The following CORO2B variants were observed in gnomAD, a reference collection of about 807,000 sequenced individuals.
The protein encoded by CORO2B is coronin-2B.
A neutral mutation model predicts 58.8 loss-of-function variants in CORO2B; 26 were observed. The ratio of observed to expected loss-of-function variants is 0.44; its 90% CI spans 0.32 to 0.61. CORO2B has a LOEUF of 0.61. Among genes scored for constraint, CORO2B ranks in the 20% least tolerant of loss-of-function variants. The pLI, the probability that CORO2B is intolerant of heterozygous loss-of-function variation, is 0.04. For synonymous variants in CORO2B, 242 were observed against 253.8 expected (o/e 0.95, Z 0.44); for missense variants, 460 against 645.1 (o/e 0.71, Z 3.11).
chr15:68,636,138 T>G (rs1005339946), intron 1 of CORO2B, among the ~76,000 whole-genome samples: 6 of 152,172 alleles, frequency 3.9e-5, no homozygotes, highest in African/African-American at 1.4e-4. Context: ...ATATAATGAA[T>G]GTAGAATGCT....
chr15:68,682,876 G>T (rs1902836228), intron 2 of CORO2B, among the ~76,000 whole-genome samples: 1 of 152,234 alleles, frequency 6.6e-6, no homozygotes, highest in Non-Finnish European at 1.5e-5. Context: ...AACTCAAAAT[G>T]AGTTTCCTTT....
intron 1 of CORO2B, among the ~76,000 whole-genome samples, chr15:68,638,319 T>C (rs1480220300): frequency 6.6e-6 from 1 of 152,112 alleles, no homozygotes; most frequent in Non-Finnish European, 1.5e-5. Context: ...AGGGTAGAGC[T>C]AGTGTTGAGC....
chr15:68,595,134 G>A (rs1282398307), intron 1 of CORO2B, among the ~76,000 whole-genome samples: 1 of 152,224 alleles, frequency 6.6e-6, no homozygotes, highest in African/African-American at 2.4e-5. Context: ...CAGCATTCGA[G>A]GCCAGAGAAC....
intron 2 of CORO2B, among the ~76,000 whole-genome samples, chr15:68,647,756 C>T (rs1327990158): frequency 2.6e-5 from 4 of 151,052 alleles, no homozygotes; most frequent in Non-Finnish European, 2.9e-5. Flanking sequence ...GCCTGTAATC[C>T]CAACACTTTG....
chr15:68,721,949 T>C (rs1893172020), intron 11 of CORO2B, among the ~76,000 whole-genome samples: 1 of 152,088 alleles, frequency 6.6e-6, no homozygotes, highest in Non-Finnish European at 1.5e-5. Context: ...GACAGGGTCT[T>C]ACTATATTGC....
chr15:68,536,303 G>A, the CORO2B span, among the ~76,000 whole-genome samples: 622 of 152,266 alleles, frequency 4.1e-3, 6 homozygotes, highest in African/African-American at 0.014. Flanking sequence ...TATATTTCTG[G>A]ATGCTTGATC....
chr15:68,606,240 A>T (rs1019872602), intron 1 of CORO2B, among the ~76,000 whole-genome samples: 1 of 152,158 alleles, frequency 6.6e-6, no homozygotes, highest in Non-Finnish European at 1.5e-5. Flanking sequence ...GCCTGTAGAT[A>T]GTGTTTAAAG....
rs1205947347 is a variant in CORO2B at position 68,715,310 on chromosome 15, A to G, written c.966A>G (p.Leu322=). 2.5e-6 allele frequency: 4 copies of G among 1,613,350 alleles called. No homozygotes were observed. Among genetic ancestry groups the G allele is most frequent in the Non-Finnish European group, 1.7e-6 (2 of 1,179,432 alleles). ...GCTCCCCAGCCCCGCAGAAAGGCCT[A>G]GGTAAGTGGCCCCGAGGCTGCCACA... ...EFRSPAPQKG[L]GVMPKHGLDV... The change falls in exon 8 of 12, where the codon CTA becomes CTG. Residue 322 remains leucine (L), a splice_region_variant and synonymous_variant. Transcript: ENST00000261861.
intron 1 of CORO2B, among the ~76,000 whole-genome samples, chr15:68,580,641 C>T (rs1595949554): frequency 6.6e-6 from 1 of 152,092 alleles, no homozygotes; most frequent in African/African-American, 2.4e-5. Context: ...GCTGTTGTGG[C>T]CCACCTGGGG....
chr15:68,722,579 C>T (rs997353048), intron 11 of CORO2B, among the ~76,000 whole-genome samples: 3 of 152,086 alleles, frequency 2.0e-5, no homozygotes, highest in Admixed American at 6.6e-5. Context: ...CTCACTAAAG[C>T]GGTTTTTTTG....
At chr15:68,646,164 C>G (rs1901422331) in intron 2 of CORO2B, among the ~76,000 whole-genome samples, 1 of 152,066 alleles carries the variant, frequency 6.6e-6, no homozygotes, top group Non-Finnish European at 1.5e-5. Flanking sequence ...AAGATTTTCC[C>G]CTTTCTGCAG....
At position 68,719,488 on chromosome 15, in the gene CORO2B, AGAAGAG is replaced by A. The variant is rs753576773; in HGVS notation, c.1248_1253del (p.Lys416_Ser418delinsAsn). On this transcript the variant is annotated inframe_deletion, in exon 11 of 12. Coordinates refer to ENST00000261861, the MANE Select transcript of CORO2B (RefSeq NM_006091.5). Reference sequence around the variant, plus strand: ...GTATTTAAGGCTCCCATCAAAGAAAAGAAGAGTGTTGTGGTCAACGGAATAGATTTA... The same window carrying A: ...GTATTTAAGGCTCCCATCAAAGAAAATGTTGTGGTCAACGGAATAGATTTA... 45 of 1,614,106 alleles carry A rather than the reference AGAAGAG, an allele frequency of 2.8e-5. No individual in the cohort carries two copies. Among genetic ancestry groups the A allele is most frequent in the Non-Finnish European group, 3.3e-5 (39 of 1,180,040 alleles).
chr15:68,716,524 C>T (rs915873699), intron 8 of CORO2B, among the ~76,000 whole-genome samples: 1 of 152,196 alleles, frequency 6.6e-6, no homozygotes, highest in South Asian at 2.1e-4. Context: ...ATGGAGATCA[C>T]ATTCCACTGA....
At position 68,635,092 on chromosome 15, in the gene CORO2B, A is replaced by G. The variant is rs561693070; in HGVS notation, c.16-10068A>G. ...CTGAGGCAGATGACCTGGGGCTCGC[A>G]CTCCAAGGATCTGTTCCCCAGAGCT... On this transcript the variant is annotated intron_variant, in intron 1 of 11. Transcript: ENST00000261861. Among the ~76,000 whole-genome samples the G allele has an allele frequency of 5.5e-4, 83 of 152,096 alleles. 1 individual carries two copies. Among genetic ancestry groups the G allele is most frequent in the Admixed American group, 2.5e-3 (38 of 15,280 alleles).
chr15:68,660,976 C>CCT (rs1901994693), intron 2 of CORO2B, among the ~76,000 whole-genome samples: 1 of 147,220 alleles, frequency 6.8e-6, no homozygotes. Flanking sequence ...TGTAATGAGT[C>CCT]TTTTTTTTTT....
intron 1 of CORO2B, among the ~76,000 whole-genome samples, chr15:68,599,098 A>C (rs1277366571): frequency 6.6e-6 from 1 of 152,214 alleles, no homozygotes; most frequent in Non-Finnish European, 1.5e-5. Context: ...GCCCCTGCCC[A>C]AACCAGACAC....
chr15:68,593,711 C>G (rs1899759404), intron 1 of CORO2B, among the ~76,000 whole-genome samples: 1 of 151,956 alleles, frequency 6.6e-6, no homozygotes, highest in Admixed American at 6.6e-5. Context: ...TTTGTCTGCC[C>G]CTTGATAGTA....
At chr15:68,559,300 GCAGGAAGAGAGACAGCCTTC>G in the CORO2B span, among the ~76,000 whole-genome samples, 1 of 152,052 alleles carries the variant, frequency 6.6e-6, no homozygotes, top group East Asian at 1.9e-4. The surrounding 1 kb of genome is among the most constrained non-coding windows in gnomAD (Gnocchi z 4.3). Context: ...CCGTCCACTG[GCAGGAAGAGAGACAGCCTTC>G]AGAGAGTTTG....
At chr15:68,653,632 C>T (rs947059424) in intron 2 of CORO2B, among the ~76,000 whole-genome samples, 2 of 152,176 alleles carry the variant, frequency 1.3e-5, no homozygotes, top group African/African-American at 4.8e-5. Flanking sequence ...AACTCTGGAG[C>T]TGAATCTAGA....
Sources: gnomAD v4.1 joint callset for allele counts (sites outside exome capture counted in the v4.1 genomes callset) on GRCh38, gnomAD v4.1.1 for gene constraint, Gnocchi (gnomAD v3.1) non-coding constraint, MANE v1.5 for transcripts, NCBI Gene and HGNC (gene_info 2026-07-23, HGNC 2026-07-21) for gene names.